Variants in SLC38A8 observed in about 807,000 individuals in gnomAD.
SLC38A8 encodes solute carrier family 38 member 8, also known as amino acid transporter SLC38A8.
Under a neutral mutation model 46.0 loss-of-function variants are expected in SLC38A8, and 65 were observed. The observed-to-expected ratio is 1.41, with a 90% CI of 1.16 to 1.74. The LOEUF (loss-of-function observed/expected upper bound fraction) is 1.74, where lower values mean the gene tolerates loss of function less well. SLC38A8 is among the 40% of genes most tolerant of loss of function. The pLI is 0.00. For synonymous variants in SLC38A8, 447 were observed against 243.7 expected, an observed-to-expected ratio of 1.83 and a Z score of -7.77; for missense variants, 998 against 567.9, an observed-to-expected ratio of 1.76 and a Z score of -7.70.
chr16:84,037,569 T>G (rs544114322), intron 2 of SLC38A8, among the ~76,000 whole-genome samples: 1 of 152,134 alleles, frequency 6.6e-6, no homozygotes, highest in African/African-American at 2.4e-5. Context: ...GAGACCAGCC[T>G]GGCCAACATG....
chr16:84,010,069 T>TTTTA, intron 10 of SLC38A8, among the ~76,000 whole-genome samples, 192 bp from the exon 11 acceptor site: 1 of 139,048 alleles, frequency 7.2e-6, no homozygotes, highest in African/African-American at 2.7e-5. Flanking sequence ...CCCAGGCAAT[T>TTTTA]TTTTTTTTTT....
intron 5 of SLC38A8, among the ~76,000 whole-genome samples, 196 bp downstream of exon 5, chr16:84,031,671 G>C (rs1261859801): frequency 6.6e-6 from 1 of 151,818 alleles, no homozygotes; most frequent in African/African-American, 2.4e-5. Flanking sequence ...GTCATCGCTA[G>C]CCACGGCCAG....
intron 10 of SLC38A8, among the ~76,000 whole-genome samples, chr16:84,012,491 C>T (rs537675564): frequency 4.6e-5 from 7 of 152,210 alleles, no homozygotes; most frequent in Non-Finnish European, 8.8e-5. Flanking sequence ...TAGCTCTGTC[C>T]TCACTAGCAT....
chr16:84,040,324 G>A (rs1397152301), intron 2 of SLC38A8, among the ~76,000 whole-genome samples: 1 of 152,150 alleles, frequency 6.6e-6, no homozygotes, highest in Non-Finnish European at 1.5e-5. Flanking sequence ...TCACCTCAGG[G>A]TTCCCTTCTC....
chr16:84,023,230 T>TA (rs911416209), intron 6 of SLC38A8, among the ~76,000 whole-genome samples: 21 of 151,618 alleles, frequency 1.4e-4, no homozygotes, highest in Admixed American at 4.6e-4. Context: ...CCACCTTATC[T>TA]AAAAAAAAGT....
intron 5 of SLC38A8, among the ~76,000 whole-genome samples, chr16:84,030,524 T>C (rs1477525565): frequency 1.3e-5 from 2 of 151,968 alleles, no homozygotes; most frequent in Non-Finnish European, 2.9e-5. Context: ...GCTGCTTGAC[T>C]TCCCTCTTAG....
chr16:84,024,053 G>T (rs1388680598), intron 6 of SLC38A8, among the ~76,000 whole-genome samples: 1 of 152,212 alleles, frequency 6.6e-6, no homozygotes. Flanking sequence ...TTGGGGTGGG[G>T]GTGTTGTGCA....
intron 10 of SLC38A8, among the ~76,000 whole-genome samples, chr16:84,011,499 G>C (rs182546128): frequency 1.1e-3 from 160 of 152,296 alleles, no homozygotes; most frequent in African/African-American, 3.7e-3. Context: ...AGGGCCGGGG[G>C]TATAGGGGAA....
intron 3 of SLC38A8, among the ~76,000 whole-genome samples, chr16:84,036,030 G>A (rs920464936): frequency 6.6e-6 from 1 of 152,212 alleles, no homozygotes; most frequent in Non-Finnish European, 1.5e-5. Context: ...GACAGACCAT[G>A]TGCTGGACTA....
chr16:84,027,751 G>C (rs1413226966), intron 6 of SLC38A8, among the ~76,000 whole-genome samples: 2 of 152,192 alleles, frequency 1.3e-5, no homozygotes, highest in Non-Finnish European at 2.9e-5. Context: ...ACGCAGCCCA[G>C]GCCTCGTTGC....
In SLC38A8 at chr16:84,020,192, G is replaced by C. The variant is rs553410307; in HGVS notation, c.805+2583C>G. Among the ~76,000 whole-genome samples, 177 of 151,570 alleles carry C rather than the reference G, an allele frequency of 1.2e-3. No homozygotes were observed. The Middle Eastern group carries it at 0.024, about 21-fold the overall frequency. ...GTCTTGCCCTGTCACCCAGGCTGGA[G>C]GGCGGTGGCACAATCACAGCTCATT... On this transcript the variant is annotated intron_variant, in intron 7 of 10. Coordinates refer to ENST00000299709, the MANE Select transcript of SLC38A8 (RefSeq NM_001080442.3).
At chr16:84,029,295 C>T (rs1402978714) in intron 6 of SLC38A8, among the ~76,000 whole-genome samples, 199 bp downstream of exon 6, 1 of 152,218 alleles carries the variant, frequency 6.6e-6, no homozygotes, top group African/African-American at 2.4e-5. Context: ...TCCCACTTCC[C>T]TGAGCCCAGA....
intron 2 of SLC38A8, 143 bp from the exon 3 acceptor site, chr16:84,037,043 C>A (rs2085308613): frequency 2.5e-6 from 2 of 799,344 alleles, no homozygotes; most frequent in East Asian, 5.4e-5. Context: ...GGCAGTCTAC[C>A]AGCTATGTCA....
chr16:84,036,307 G>C (rs971237212), intron 3 of SLC38A8, among the ~76,000 whole-genome samples: 2 of 152,364 alleles, frequency 1.3e-5, no homozygotes, highest in Middle Eastern at 3.4e-3. Flanking sequence ...GCAGTGCTTA[G>C]AGGGAAAGTC....
intron 3 of SLC38A8, 103 bp downstream of exon 3, chr16:84,036,599 C>A: frequency 1.5e-6 from 2 of 1,342,364 alleles, no homozygotes; most frequent in South Asian, 1.3e-5. Flanking sequence ...TGCTGTCCCT[C>A]AGGGCCCAGG....
intron 3 of SLC38A8, 112 bp downstream of exon 3, chr16:84,036,590 G>T: frequency 8.2e-7 from 1 of 1,225,790 alleles, no homozygotes; most frequent in Non-Finnish European, 1.2e-6. Flanking sequence ...TTCAGCCTCT[G>T]CTGTCCCTCA....
chr16:84,017,263 C>G lies in SLC38A8; in HGVS notation c.830G>C (p.Gly277Ala). Residue 277 changes from glycine to alanine, a missense_variant, in exon 8 of 11, where the codon GGG (glycine) becomes GCG (alanine). By Grantham distance (60) the Gly-to-Ala change is moderately conservative (BLOSUM62 0). Coordinates refer to ENST00000299709, the MANE Select transcript of SLC38A8 (RefSeq NM_001080442.3). ...CAAGACGTCAGCAGAAACTTCTGTC[C>G]CAAAAGTCAGGAAGCCATAAACCCC... ...LTGVYGFLTF[G>A]TEVSADVLMS... The G allele has an allele frequency of 6.2e-7, 1 of 1,614,022 alleles. No individual in the cohort carries two copies.
At chr16:84,018,712 T>C (rs2085060703) in intron 7 of SLC38A8, among the ~76,000 whole-genome samples, 1 of 152,202 alleles carries the variant, frequency 6.6e-6, no homozygotes, top group African/African-American at 2.4e-5. Context: ...TTAATTTTCC[T>C]TGTCATTGGG....
intron 1 of SLC38A8, 113 bp from the exon 2 acceptor site, chr16:84,042,272 G>A: frequency 5.9e-6 from 7 of 1,185,104 alleles, no homozygotes; most frequent in Non-Finnish European, 8.1e-6. Flanking sequence ...AGCCGCTCCT[G>A]CCCGCTTCCT....
Sources: allele counts gnomAD v4.1 joint callset (sites outside exome capture counted in the v4.1 genomes callset), GRCh38; gene constraint gnomAD v4.1.1; transcripts MANE v1.5; gene names NCBI Gene and HGNC (gene_info 2026-07-23, HGNC 2026-07-21).